The following CHRM3 variants were observed in gnomAD, a reference collection of about 807,000 sequenced individuals.
CHRM3 encodes cholinergic receptor muscarinic 3.
CHRM3 carries 11 observed loss-of-function variants against 41.8 expected under a neutral mutation model. That is an observed-to-expected ratio of 0.26 (90% CI 0.17 to 0.44). CHRM3 has a LOEUF of 0.44. CHRM3 is among the 20% of genes least tolerant of loss of function. The probability of loss-of-function intolerance (pLI) is 1.00; values close to 1 mark genes in which losing one functional copy is unlikely to be tolerated. For synonymous variants in CHRM3, 297 were observed against 301.4 expected, an observed-to-expected ratio of 0.99 and a Z score of 0.15; for missense variants, 571 against 745.4, an observed-to-expected ratio of 0.77 and a Z score of 2.72.
chr1:239,526,956 A>G (rs1670036571), intron 2 of CHRM3, among the ~76,000 whole-genome samples: 1 of 152,038 alleles, frequency 6.6e-6, no homozygotes, highest in Admixed American at 6.6e-5. Context: ...CCCTGTCTCT[A>G]TAAAGATATT....
intron 2 of CHRM3, among the ~76,000 whole-genome samples, chr1:239,518,122 A>G (rs1005587234): frequency 6.6e-6 from 1 of 152,154 alleles, no homozygotes; most frequent in African/African-American, 2.4e-5. Context: ...CAACGACAAC[A>G]ACAACAACAA....
At chr1:239,900,805 A>G (rs1679485559) in intron 6 of CHRM3, among the ~76,000 whole-genome samples, 1 of 152,190 alleles carries the variant, frequency 6.6e-6, no homozygotes, top group Non-Finnish European at 1.5e-5. Context: ...GTGAGACAAT[A>G]CATTGCTCAT....
intron 6 of CHRM3, among the ~76,000 whole-genome samples, chr1:239,845,685 G>T (rs1674204967): frequency 6.6e-6 from 1 of 152,202 alleles, no homozygotes; most frequent in South Asian, 2.1e-4. Context: ...ATTTCTTAAA[G>T]AGACATTTGA....
chr1:239,906,394 A>T (rs1380234377), intron 6 of CHRM3, among the ~76,000 whole-genome samples: 1 of 152,194 alleles, frequency 6.6e-6, no homozygotes, highest in African/African-American at 2.4e-5. Context: ...AACTCATAGA[A>T]TGACACTGAT....
intron 3 of CHRM3, among the ~76,000 whole-genome samples, chr1:239,605,665 T>G (rs774177537): frequency 1.3e-5 from 2 of 152,186 alleles, no homozygotes; most frequent in Non-Finnish European, 2.9e-5. Flanking sequence ...AATTCCAGTT[T>G]ACAATGTATA....
At chr1:239,461,380 C>A (rs905045702) in intron 1 of CHRM3, among the ~76,000 whole-genome samples, 2 of 152,066 alleles carry the variant, frequency 1.3e-5, no homozygotes, top group Non-Finnish European at 2.9e-5. Flanking sequence ...GTGTTTGAAT[C>A]TCAAGCTAGC....
At chr1:239,644,474 T>A (rs776858870) in intron 4 of CHRM3, among the ~76,000 whole-genome samples, 24 of 152,152 alleles carry the variant, frequency 1.6e-4, no homozygotes, top group Non-Finnish European at 3.1e-4. Flanking sequence ...ATCACAAATG[T>A]ATTTGAGTTC....
At chr1:239,621,662 C>G (rs529462122) in intron 3 of CHRM3, among the ~76,000 whole-genome samples, 1 of 152,182 alleles carries the variant, frequency 6.6e-6, no homozygotes, top group Non-Finnish European at 1.5e-5. Flanking sequence ...TCATCTAGAG[C>G]AAGGCTTTAA....
rs149643708 is a variant in CHRM3, at chr1:239,699,074, T to A, written c.-147+20786T>A. ...AACCACAGTTAACATATTGGCATTT[T>A]TCTTTGAAGAGTTTTTTTTTCTAAG... On this transcript the variant is annotated intron_variant, in intron 5 of 6. Coordinates refer to ENST00000676153, the MANE Select transcript of CHRM3 (RefSeq NM_001375978.1). Among the ~76,000 whole-genome samples, 341 of 152,354 alleles carry A rather than the reference T, an allele frequency of 2.2e-3. 3 individuals carry two copies. The highest frequency in any genetic ancestry group is 7.7e-3 in the African/African-American group (321 of 41,590).
At chr1:239,471,865 G>A (rs1006428307) in intron 1 of CHRM3, among the ~76,000 whole-genome samples, 2 of 152,176 alleles carry the variant, frequency 1.3e-5, no homozygotes, top group African/African-American at 2.4e-5. Context: ...TTCCCTGTGC[G>A]GCCTGCCCAG....
intron 4 of CHRM3, among the ~76,000 whole-genome samples, chr1:239,646,606 G>A (rs1671759550): frequency 6.6e-6 from 1 of 152,106 alleles, no homozygotes; most frequent in Admixed American, 6.6e-5. Flanking sequence ...ACTTGAGAAA[G>A]GGCAGGATTT....
intron 5 of CHRM3, among the ~76,000 whole-genome samples, chr1:239,720,367 T>A (rs1028945650): frequency 6.6e-6 from 1 of 151,992 alleles, no homozygotes; most frequent in Non-Finnish European, 1.5e-5. Flanking sequence ...ATGATTTTTG[T>A]CATTTAGTCA....
rs187021411 is a variant in CHRM3, at chr1:239,792,698, T to C, written c.-146-34554T>C. Among the ~76,000 whole-genome samples the C allele has an allele frequency of 2.9e-3, 444 of 152,312 alleles. 1 individual carries two copies. Among genetic ancestry groups the C allele is most frequent in the Admixed American group, 4.8e-3 (73 of 15,290 alleles). ...AGGACCTTAGGACTTGAATGAATTT[T>C]TAAATTGGTAAAGTTCAGAGTACCT... is the stretch of plus-strand genomic sequence containing the variant. On this transcript the variant is annotated intron_variant, in intron 5 of 6. Coordinates refer to ENST00000676153, the MANE Select transcript of CHRM3 (RefSeq NM_001375978.1).
intron 2 of CHRM3, among the ~76,000 whole-genome samples, chr1:239,535,084 T>C (rs971803740): frequency 5.3e-5 from 8 of 152,206 alleles, no homozygotes; most frequent in Non-Finnish European, 1.0e-4. Flanking sequence ...GGGCTGCTCC[T>C]ACAGCTTTCT....
At chr1:239,577,113 G>A (rs1005440068) in intron 3 of CHRM3, among the ~76,000 whole-genome samples, 1 of 152,110 alleles carries the variant, frequency 6.6e-6, no homozygotes, top group Non-Finnish European at 1.5e-5. Context: ...TTTGTAAAAG[G>A]ACTAGAATCC....
chr1:239,532,354 G>A (rs1558296160), intron 2 of CHRM3, among the ~76,000 whole-genome samples: 2 of 147,644 alleles, frequency 1.4e-5, no homozygotes, highest in Non-Finnish European at 3.0e-5. Flanking sequence ...TTGGCCAGGC[G>A]CAGTGGCTCA....
intron 4 of CHRM3, among the ~76,000 whole-genome samples, chr1:239,669,969 T>A (rs537702138): frequency 8.5e-5 from 13 of 152,288 alleles, no homozygotes; most frequent in African/African-American, 3.1e-4. Flanking sequence ...TATCTCTGCA[T>A]GTACTAAATT....
At chr1:239,787,351 A>G (rs968927790) in intron 5 of CHRM3, among the ~76,000 whole-genome samples, 4 of 151,938 alleles carry the variant, frequency 2.6e-5, no homozygotes, top group Non-Finnish European at 5.9e-5. Context: ...CCACCTGCAT[A>G]TGGACTGAGG....
intron 2 of CHRM3, among the ~76,000 whole-genome samples, chr1:239,515,415 T>G (rs1009977368): frequency 3.3e-5 from 5 of 150,500 alleles, no homozygotes; most frequent in African/African-American, 4.9e-5. Flanking sequence ...TTTTTTTGTT[T>G]TTTTTTTTTT....
Sources: gnomAD v4.1 joint callset for allele counts (sites outside exome capture counted in the v4.1 genomes callset) on GRCh38, gnomAD v4.1.1 for gene constraint, MANE v1.5 for transcripts, NCBI Gene and HGNC (gene_info 2026-07-23, HGNC 2026-07-21) for gene names.